Variants in TNIP3 observed in about 807,000 individuals in gnomAD.
TNIP3 encodes the protein TNFAIP3-interacting protein 3.
TNIP3 carries 34 observed loss-of-function variants against 54.1 expected under a neutral mutation model. That is an observed-to-expected ratio of 0.63 (90% CI 0.48 to 0.84). The LOEUF is 0.84. TNIP3 is among the 40% of genes least tolerant of loss of function. The probability of loss-of-function intolerance (pLI) is 0.00; values close to 1 mark genes in which losing one functional copy is unlikely to be tolerated. For synonymous variants in TNIP3, 134 were observed against 136.8 expected, an observed-to-expected ratio of 0.98 and a Z score of 0.14; for missense variants, 366 against 387.6, an observed-to-expected ratio of 0.94 and a Z score of 0.47.
At chr4:121,168,446 G>T (rs866961090), upstream of TNIP3, among the ~76,000 whole-genome samples, 1 of 151,668 alleles carries the variant, frequency 6.6e-6, no homozygotes, top group Non-Finnish European at 1.5e-5. Context: ...TGATCCACCC[G>T]CCTCGGCCTC....
At chr4:121,136,100 T>C (rs1007280402) in intron 10 of TNIP3, among the ~76,000 whole-genome samples, 4 of 152,236 alleles carry the variant, frequency 2.6e-5, no homozygotes, top group Non-Finnish European at 5.9e-5. Context: ...CAACATATCC[T>C]GGTCAGGTTC....
chr4:121,210,646 C>A (rs1342795338), intron 2 of TNIP3, among the ~76,000 whole-genome samples: 1 of 152,148 alleles, frequency 6.6e-6, no homozygotes, highest in Non-Finnish European at 1.5e-5. Context: ...AGGTTTCATT[C>A]TAAGGCCTCT....
At chr4:121,221,667 G>A (rs1361209393) in intron 1 of TNIP3, among the ~76,000 whole-genome samples, 1 of 152,166 alleles carries the variant, frequency 6.6e-6, no homozygotes, top group Non-Finnish European at 1.5e-5. Flanking sequence ...TTACAGTAAT[G>A]GCTCAAGGGA....
chr4:121,143,370 A>G (rs1316799561), intron 7 of TNIP3, among the ~76,000 whole-genome samples: 1 of 152,210 alleles, frequency 6.6e-6, no homozygotes, highest in Non-Finnish European at 1.5e-5. Flanking sequence ...ACACATTTAG[A>G]GAAAGCTGGC....
intron 1 of TNIP3, among the ~76,000 whole-genome samples, chr4:121,224,736 A>C (rs1727187201): frequency 6.6e-6 from 1 of 152,156 alleles, no homozygotes; most frequent in South Asian, 2.1e-4. Context: ...TATAGCTTAA[A>C]GTTAAGCTGA....
intron 5 of TNIP3, among the ~76,000 whole-genome samples, chr4:121,152,890 A>T (rs893569604): frequency 1.3e-5 from 2 of 152,194 alleles, no homozygotes; most frequent in East Asian, 3.9e-4. Context: ...CTAATGGAGG[A>T]GTTGGCACAA....
intron 2 of TNIP3, among the ~76,000 whole-genome samples, chr4:121,213,327 A>G (rs780047732): frequency 6.6e-6 from 1 of 152,198 alleles, no homozygotes; most frequent in Non-Finnish European, 1.5e-5. Flanking sequence ...AAGTCATCTC[A>G]TTCTTCTGAG....
intron 2 of TNIP3, among the ~76,000 whole-genome samples, chr4:121,198,254 G>A (rs949488069): frequency 1.3e-5 from 2 of 151,760 alleles, no homozygotes; most frequent in Non-Finnish European, 2.9e-5. Flanking sequence ...CAGAGAAAAT[G>A]CACAAATTTA....
At chr4:121,163,069 A>G (rs1252606025) in intron 1 of TNIP3, among the ~76,000 whole-genome samples, 1 of 152,204 alleles carries the variant, frequency 6.6e-6, no homozygotes, top group Admixed American at 6.5e-5. Context: ...AAATCTAGAT[A>G]CCAAATCTGC....
chr4:121,159,100 G>A (rs866063224), intron 2 of TNIP3, among the ~76,000 whole-genome samples: 3 of 152,078 alleles, frequency 2.0e-5, no homozygotes, highest in African/African-American at 4.8e-5. Context: ...AAACTTAGCC[G>A]GACGTGGTGG....
chr4:121,185,901 A>T lies in TNIP3; in HGVS notation c.69-3105T>A, dbSNP rs138610170. 3.6e-3 allele frequency among the ~76,000 whole-genome samples: 548 copies of T among 152,354 alleles called. 1 individual carries two copies. The highest frequency in any genetic ancestry group is 0.013 in the African/African-American group (525 of 41,588). Reference sequence around the variant, plus strand: ...ACTGACTTTTCACAGAAATAATCACATGCAGTCATCACTGTTAAAATTGTT... The same window carrying T: ...ACTGACTTTTCACAGAAATAATCACTTGCAGTCATCACTGTTAAAATTGTT... On this transcript the variant is annotated intron_variant, in intron 2 of 12. Coordinates refer to the TNIP3 transcript ENST00000507879.
intron 2 of TNIP3, among the ~76,000 whole-genome samples, chr4:121,215,885 A>G (rs2148849966): frequency 6.6e-6 from 1 of 152,070 alleles, no homozygotes; most frequent in African/African-American, 2.4e-5. Flanking sequence ...CACATTAAAA[A>G]AAAAAAAAAA....
chr4:121,192,375 T>C (rs1189843300), intron 2 of TNIP3, among the ~76,000 whole-genome samples: 1 of 152,252 alleles, frequency 6.6e-6, no homozygotes, highest in Non-Finnish European at 1.5e-5. Flanking sequence ...TCATCTCTGA[T>C]GGCACGTTCC....
intron 9 of TNIP3, among the ~76,000 whole-genome samples, chr4:121,140,741 C>G (rs13108739): frequency 0.24 from 37,152 of 151,672 alleles, 4,880 homozygotes; most frequent in African/African-American, 0.33. Flanking sequence ...TTGGTAAAGA[C>G]TGAAAAGTAA....
chr4:121,164,327 T>C (rs901983064), upstream of TNIP3: 8 of 1,357,478 alleles, frequency 5.9e-6, no homozygotes, highest in Admixed American at 2.2e-4. Flanking sequence ...AGAATAAAGT[T>C]ATAAGCACTG....
intron 1 of TNIP3, among the ~76,000 whole-genome samples, chr4:121,226,927 G>C (rs1282229975): frequency 2.7e-5 from 3 of 112,802 alleles, no homozygotes; most frequent in Non-Finnish European, 6.0e-5. Flanking sequence ...CACACTAAAT[G>C]GATGCTGGCT....
intron 2 of TNIP3, among the ~76,000 whole-genome samples, chr4:121,193,232 TA>T (rs1216148317): frequency 6.6e-6 from 1 of 152,146 alleles, no homozygotes; most frequent in Admixed American, 6.5e-5. Flanking sequence ...CTCATTTTTA[TA>T]AAAAATTGCA....
chr4:121,154,474 T>C, intron 5 of TNIP3, 77 bp downstream of exon 5: 1 of 1,577,332 alleles, frequency 6.3e-7, no homozygotes, highest in Non-Finnish European at 8.6e-7. Context: ...CAGCCTAGAT[T>C]TTGTTGCGAC....
chr4:121,185,503 C>T (rs1375560831), intron 2 of TNIP3, among the ~76,000 whole-genome samples: 1 of 152,044 alleles, frequency 6.6e-6, no homozygotes, highest in African/African-American at 2.4e-5. Context: ...CCATCTATGT[C>T]CCAGGAAAGA....
Sources: gnomAD v4.1 joint callset for allele counts (sites outside exome capture counted in the v4.1 genomes callset) on GRCh38, gnomAD v4.1.1 for gene constraint, MANE v1.5 for transcripts, NCBI Gene and HGNC (gene_info 2026-07-23, HGNC 2026-07-21) for gene names.